HTR2C: variants seen among roughly 807,000 people sequenced by gnomAD.
The protein encoded by HTR2C is 5-hydroxytryptamine (serotonin) receptor 2C, G protein-coupled.
HTR2C carries 5 observed loss-of-function variants against 21.0 expected under a neutral mutation model. The observed-to-expected ratio is 0.24, with a 90% confidence interval of 0.12 to 0.50. The LOEUF (loss-of-function observed/expected upper bound fraction) is 0.50, where lower values mean the gene tolerates loss of function less well. Among genes scored for constraint, HTR2C ranks in the 20% least tolerant of loss-of-function variants. The pLI is 0.98. For synonymous variants in HTR2C, 150 were observed against 145.3 expected, an observed-to-expected ratio of 1.03 and a Z score of -0.23; for missense variants, 271 against 371.2, an observed-to-expected ratio of 0.73 and a Z score of 2.22.
intron 1 of HTR2C, among the ~76,000 whole-genome samples, chrX:114,602,835 C>T (rs1256977623): frequency 2.2e-5 from 2 of 92,734 alleles, no homozygotes; most frequent in East Asian, 3.5e-4. Context: ...GGCAAATCCT[C>T]GAGCTTGATG....
At chrX:114,660,788 A>G (rs1489140159) in intron 2 of HTR2C, among the ~76,000 whole-genome samples, 2 of 112,241 alleles carry the variant, frequency 1.8e-5, no homozygotes, top group Admixed American at 9.5e-5. Flanking sequence ...AATACTTAAT[A>G]CCTTAAGAAG....
intron 4 of HTR2C, among the ~76,000 whole-genome samples, chrX:114,755,477 C>T (rs1363375369): frequency 1.8e-5 from 2 of 111,411 alleles, no homozygotes; most frequent in Non-Finnish European, 3.8e-5. Context: ...GCCTTCTTCT[C>T]ATCTTTTTGA....
rs188740668 is a variant in HTR2C at position 114,682,604 on chromosome X, A to C, written c.-79-44254A>C. On this transcript the variant is annotated intron_variant, in intron 2 of 5. Coordinates refer to ENST00000276198, the MANE Select transcript of HTR2C (RefSeq NM_000868.4). ...TATTTCATGAGCTTTCTGCTGTTTA[A>C]GTTTTACAGTAGGGCTCCTGACATT... is the stretch of plus-strand genomic sequence containing the variant. 1.8e-3 allele frequency among the ~76,000 whole-genome samples: 205 copies of C among 111,208 alleles called. 1 individual carries two copies. Among genetic ancestry groups the C allele is most frequent in the African/African-American group, 6.2e-3 (189 of 30,727 alleles).
chrX:114,774,545 CT>C (rs2070037248), intron 4 of HTR2C, among the ~76,000 whole-genome samples: 1 of 111,792 alleles, frequency 8.9e-6, no homozygotes, highest in Admixed American at 9.5e-5. Context: ...ATCTCTGTAA[CT>C]TTTAGAGATA....
chrX:114,867,944 C>T (rs1487324720), intron 5 of HTR2C, among the ~76,000 whole-genome samples: 1 of 111,382 alleles, frequency 9.0e-6, no homozygotes, highest in East Asian at 2.8e-4. Context: ...CAATGTGATT[C>T]CTCTAGTTTA....
intron 4 of HTR2C, among the ~76,000 whole-genome samples, chrX:114,839,400 T>A (rs1409514572): frequency 8.9e-6 from 1 of 112,109 alleles, no homozygotes; most frequent in South Asian, 3.7e-4. Context: ...ATCTTTAGTT[T>A]TTTTGGTTGG....
At chrX:114,785,171 T>A (rs781807764) in intron 4 of HTR2C, among the ~76,000 whole-genome samples, 1 of 111,474 alleles carries the variant, frequency 9.0e-6, no homozygotes, top group Non-Finnish European at 1.9e-5. Context: ...ATTCCAGAAG[T>A]AGATGGCTTT....
chrX:114,829,758 T>C (rs1262442131), intron 4 of HTR2C, among the ~76,000 whole-genome samples: 1 of 111,759 alleles, frequency 8.9e-6, no homozygotes. Flanking sequence ...TTGGAAGGTA[T>C]TGTCACAAGT....
chrX:114,776,404 C>T (rs1370310295), intron 4 of HTR2C: 8 of 761,196 alleles, frequency 1.1e-5, no homozygotes, highest in Non-Finnish European at 1.6e-5. Flanking sequence ...TCATCTTTGT[C>T]AGGACCATAG....
At chrX:114,814,900 TATATA>T (rs1253108697) in intron 4 of HTR2C, among the ~76,000 whole-genome samples, 1 of 102,385 alleles carries the variant, frequency 9.8e-6, no homozygotes, top group Non-Finnish European at 2.0e-5. Flanking sequence ...ATTATAATAT[TATATA>T]GTATATATCA....
rs782656007 is a variant in HTR2C at position 114,795,295 on chromosome X, T to G, written c.350-52708T>G. On this transcript the variant is annotated intron_variant, in intron 4 of 5. Transcript: ENST00000276198. ...TGTCAGATGAGCAGGTTGCAAAAAT[T>G]TTCTCCCATTCTGTAGGTTGCCTGT... Among the ~76,000 whole-genome samples the G allele has an allele frequency of 3.6e-5, 4 of 111,297 alleles. No individual in the cohort carries two copies. The South Asian group carries it at 1.1e-3, about 32-fold the overall frequency.
intron 2 of HTR2C, among the ~76,000 whole-genome samples, chrX:114,640,218 A>G (rs1556406141): frequency 1.8e-5 from 2 of 111,825 alleles, no homozygotes; most frequent in Non-Finnish European, 3.8e-5. Context: ...CAATTGACTG[A>G]TGATAACGAA....
chrX:114,814,074 T>G (rs1556453590), intron 4 of HTR2C, among the ~76,000 whole-genome samples: 1 of 110,725 alleles, frequency 9.0e-6, no homozygotes, highest in African/African-American at 3.3e-5. Context: ...GGTAGACATT[T>G]GCCTGTGTGT....
At chrX:114,841,006 A>C (rs1250450164) in intron 4 of HTR2C, among the ~76,000 whole-genome samples, 1 of 112,009 alleles carries the variant, frequency 8.9e-6, no homozygotes, top group Non-Finnish European at 1.9e-5. Flanking sequence ...CCAGTTCATC[A>C]GTCTGTATCT....
chrX:114,714,776 G>C (rs1932954756), intron 2 of HTR2C, among the ~76,000 whole-genome samples: 1 of 111,491 alleles, frequency 9.0e-6, no homozygotes, highest in African/African-American at 3.3e-5. Context: ...TGCAACTTCT[G>C]TGTCATGGAT....
At chrX:114,624,233 T>C (rs1487944109) in intron 2 of HTR2C, among the ~76,000 whole-genome samples, 1 of 111,352 alleles carries the variant, frequency 9.0e-6, no homozygotes, top group Non-Finnish European at 1.9e-5. Context: ...CAATGTTTAC[T>C]GGTAGAGCAT....
At chrX:114,608,449 C>CAT (rs1295000393) in intron 1 of HTR2C, among the ~76,000 whole-genome samples, 16 of 109,991 alleles carry the variant, frequency 1.5e-4, no homozygotes, top group African/African-American at 4.6e-4. Flanking sequence ...AACCAGTAAT[C>CAT]CTTTTTATCT....
chrX:114,721,962 G>T (rs1291888330), intron 2 of HTR2C, among the ~76,000 whole-genome samples: 8 of 107,370 alleles, frequency 7.5e-5, no homozygotes, highest in Admixed American at 4.0e-4. Flanking sequence ...GATGCCTCCA[G>T]CTTTGTTCTT....
chrX:114,851,099 T>C (rs1253768333), intron 5 of HTR2C, among the ~76,000 whole-genome samples: 18 of 111,836 alleles, frequency 1.6e-4, no homozygotes, highest in Non-Finnish European at 3.2e-4. Flanking sequence ...GTAATATACA[T>C]AGTATATACA....
Sources: allele counts gnomAD v4.1 joint callset (sites outside exome capture counted in the v4.1 genomes callset), GRCh38; gene constraint gnomAD v4.1.1; transcripts MANE v1.5; gene names NCBI Gene and HGNC (gene_info 2026-07-23, HGNC 2026-07-21).